Variants in CNOT6L observed in about 807,000 individuals in gnomAD.
The protein encoded by CNOT6L is CCR4-NOT transcription complex subunit 6 like.
CNOT6L carries 7 observed loss-of-function variants against 64.0 expected under a neutral mutation model. The observed-to-expected ratio is 0.11, with a 90% CI of 0.06 to 0.21. CNOT6L has a LOEUF of 0.21. CNOT6L is among the 10% of genes least tolerant of loss of function. The pLI is 1.00. For synonymous variants in CNOT6L, 193 were observed against 243.4 expected, an observed-to-expected ratio of 0.79 and a Z score of 1.93; for missense variants, 245 against 669.0, an observed-to-expected ratio of 0.37 and a Z score of 6.99.
At position 77,796,171 on chromosome 4, in the gene CNOT6L, A is replaced by T. The variant is rs1299080933; in HGVS notation, c.6-19779T>A. Among the ~76,000 whole-genome samples the T allele has an allele frequency of 2.0e-5, 3 of 151,428 alleles. No individual in the cohort carries two copies. The East Asian group carries it at 5.8e-4, about 29-fold the overall frequency. ...GTTCCCCTCATGACATTTTTTTTTT[A>T]TAGAAATTAACATGCTTATTCTAAA... is the stretch of plus-strand genomic sequence containing the variant. On this transcript the variant is annotated intron_variant, in intron 1 of 11. Coordinates refer to ENST00000504123, the MANE Select transcript of CNOT6L (RefSeq NM_144571.3).
intron 4 of CNOT6L, 32 bp downstream of exon 4, chr4:77,773,048 AG>A (rs749199200): frequency 1.2e-5 from 17 of 1,431,848 alleles, no homozygotes; most frequent in East Asian, 1.2e-4. Flanking sequence ...TAAAAGGCTC[AG>A]AATACCTCAA....
At chr4:77,806,404 A>C (rs950848003) in intron 1 of CNOT6L, among the ~76,000 whole-genome samples, 1 of 152,088 alleles carries the variant, frequency 6.6e-6, no homozygotes, top group South Asian at 2.1e-4. Flanking sequence ...CAGCCTAGGC[A>C]ACAAGAGCAA....
intron 8 of CNOT6L, among the ~76,000 whole-genome samples, chr4:77,740,924 GAAC>G (rs1025347057): frequency 7.5e-4 from 114 of 152,240 alleles, no homozygotes; most frequent in African/African-American, 2.6e-3. Flanking sequence ...TCTAGCCTGG[GAAC>G]AACAGGCTAT....
At chr4:77,808,329 G>T (rs945622025) in intron 1 of CNOT6L, among the ~76,000 whole-genome samples, 4 of 151,940 alleles carry the variant, frequency 2.6e-5, no homozygotes, top group African/African-American at 9.7e-5. Context: ...GGGTGTGGTG[G>T]TGTGCGCCTG....
In CNOT6L at chr4:77,737,406, C is replaced by CTTTTTTT. The variant is rs56952956; in HGVS notation, c.872+4728_872+4734dup. ...AATAACATCCTATATTTGTACCGTT[C>CTTTTTTT]TTTTTTTTTTTTTTTTTTTTTTTTT... On this transcript the variant is annotated intron_variant, in intron 8 of 11. Transcript: ENST00000504123. 5.5e-4 allele frequency among the ~76,000 whole-genome samples: 45 copies of CTTTTTTT among 82,380 alleles called. 1 individual carries two copies. Among genetic ancestry groups the CTTTTTTT allele is most frequent in the African/African-American group, 1.7e-3 (37 of 21,152 alleles). The allele number at this position is 82,380 out of a possible 152,430, so 54.0% of individuals were successfully genotyped here. A position where few individuals can be genotyped will look rare whatever the true frequency, so the allele number is the denominator to read the frequency against.
At chr4:77,737,289 T>A (rs1723062866) in intron 8 of CNOT6L, among the ~76,000 whole-genome samples, 1 of 152,110 alleles carries the variant, frequency 6.6e-6, no homozygotes, top group Non-Finnish European at 1.5e-5. Context: ...ATAAAATGTG[T>A]TCTTGGTCCC....
intron 11 of CNOT6L, among the ~76,000 whole-genome samples, chr4:77,722,076 C>CA (rs1348686905): frequency 6.6e-6 from 1 of 151,782 alleles, no homozygotes; most frequent in African/African-American, 2.4e-5. Context: ...TTTAAACAGT[C>CA]AAAAAATGAT....
chr4:77,813,967 T>C (rs1052070714), intron 1 of CNOT6L, among the ~76,000 whole-genome samples: 2 of 152,184 alleles, frequency 1.3e-5, no homozygotes, highest in Admixed American at 1.3e-4. Flanking sequence ...CGGCATGATT[T>C]ATAATGATAG....
intron 4 of CNOT6L, among the ~76,000 whole-genome samples, chr4:77,760,860 C>CTTTTT (rs754195745): frequency 0.025 from 764 of 29,968 alleles, 151 homozygotes; most frequent in Admixed American, 0.038. Flanking sequence ...CCATGCCTGG[C>CTTTTT]TTTTTTTTTT....
At chr4:77,820,230 A>G (rs1734124251), upstream of CNOT6L, among the ~76,000 whole-genome samples, 1 of 152,016 alleles carries the variant, frequency 6.6e-6, no homozygotes, top group Non-Finnish European at 1.5e-5. Context: ...GAGTGCGAGA[A>G]CGAGGAGGGT....
intron 1 of CNOT6L, among the ~76,000 whole-genome samples, chr4:77,788,764 TTGA>T (rs1290168971): frequency 1.3e-5 from 2 of 151,554 alleles, no homozygotes; most frequent in Non-Finnish European, 2.9e-5. Context: ...TAATATGCAA[TTGA>T]TGAAAGAAGT....
chr4:77,761,745 C>A (rs1560407326), intron 4 of CNOT6L, among the ~76,000 whole-genome samples: 1 of 151,864 alleles, frequency 6.6e-6, no homozygotes. Flanking sequence ...CACTTCTATT[C>A]AATATAGTAC....
intron 1 of CNOT6L, chr4:77,818,922 G>A: frequency 3.4e-6 from 2 of 595,994 alleles, no homozygotes; most frequent in East Asian, 7.0e-5. Context: ...TGCCGCGCGT[G>A]TGCCGCACTC....
intron 5 of CNOT6L, among the ~76,000 whole-genome samples, chr4:77,752,328 T>G (rs1724948545): frequency 6.6e-6 from 1 of 152,170 alleles, no homozygotes. Flanking sequence ...TGACATAGCT[T>G]TATTGGTAAT....
At chr4:77,783,486 C>T (rs1386260506) in intron 1 of CNOT6L, among the ~76,000 whole-genome samples, 2 of 152,172 alleles carry the variant, frequency 1.3e-5, no homozygotes, top group Non-Finnish European at 2.9e-5. Context: ...TCTCCCTCAT[C>T]AGGTAGTTGC....
chr4:77,734,259 T>A (rs1241791977), intron 8 of CNOT6L, among the ~76,000 whole-genome samples: 1 of 152,170 alleles, frequency 6.6e-6, no homozygotes, highest in Non-Finnish European at 1.5e-5. Flanking sequence ...ATATGTTTAT[T>A]GTAGAGATAT....
chr4:77,727,652 TCCAACCATG>T (rs1220528008), intron 10 of CNOT6L, among the ~76,000 whole-genome samples: 2 of 149,068 alleles, frequency 1.3e-5, no homozygotes, highest in Non-Finnish European at 3.0e-5. Flanking sequence ...AAAATCAGGA[TCCAACCATG>T]ACAGTCTGGT....
intron 1 of CNOT6L, among the ~76,000 whole-genome samples, chr4:77,784,782 C>T (rs115342085): frequency 0.015 from 2,274 of 152,272 alleles, 59 homozygotes; most frequent in African/African-American, 0.052. Context: ...CTGCACCCAG[C>T]CTTCTTTCCA....
At chr4:77,746,885 T>G (rs1724255272) in intron 6 of CNOT6L, among the ~76,000 whole-genome samples, 2 of 152,104 alleles carry the variant, frequency 1.3e-5, no homozygotes, top group Admixed American at 1.3e-4. Flanking sequence ...CAATGCCTCT[T>G]AAAACAAGCT....
Sources: allele counts gnomAD v4.1 joint callset (sites outside exome capture counted in the v4.1 genomes callset), GRCh38; gene constraint gnomAD v4.1.1; transcripts MANE v1.5; gene names NCBI Gene and HGNC (gene_info 2026-07-23, HGNC 2026-07-21).